OLFML2B: variants seen among roughly 807,000 people sequenced by gnomAD.
OLFML2B encodes the protein olfactomedin-like protein 2B.
In OLFML2B, 57 loss-of-function variants were observed where a neutral mutation model predicts 74.9. The ratio of observed to expected loss-of-function variants is 0.76; its 90% CI spans 0.61 to 0.95. The LOEUF (loss-of-function observed/expected upper bound fraction) is 0.95. Ranked by LOEUF, OLFML2B falls within the 40% of genes least tolerant of loss-of-function variation. The pLI, the probability that OLFML2B is intolerant of heterozygous loss-of-function variation, is 0.00. For missense variants in OLFML2B, 986 were observed against 970.6 expected (o/e 1.02, Z -0.21); for synonymous variants, 388 against 405.8 (o/e 0.96, Z 0.53).
rs569188475 is a variant in OLFML2B at position 161,999,132 on chromosome 1, G to T, written c.950-783C>A. On this transcript the variant is annotated intron_variant, in intron 5 of 7. Coordinates refer to ENST00000294794, the MANE Select transcript of OLFML2B (RefSeq NM_015441.3). ...TTCAGTTTTTATTCTGAAAGAAATG[G>T]GGGAGGCTGCAGGATTTTGAGCAGA... Among the ~76,000 whole-genome samples the T allele has an allele frequency of 5.3e-4, 80 of 152,316 alleles. No homozygotes were observed. In the South Asian group the frequency reaches 0.015, roughly 29 times the overall value.
rs56843776 is a variant in OLFML2B, at chr1:162,010,380, G to A, written c.547-3907C>T. The stretch of plus-strand genomic sequence containing the variant: ...GAACAGGTGTCCACTGCTAACTTCA[G>A]CCAGATGCACACACACCAGAGGGAA... On this transcript the variant is annotated intron_variant, in intron 3 of 7. Coordinates refer to ENST00000294794, the MANE Select transcript of OLFML2B (RefSeq NM_015441.3). 2.5e-3 allele frequency among the ~76,000 whole-genome samples: 378 copies of A among 152,324 alleles called. 15 individuals carry two copies. In the East Asian group the frequency reaches 0.068, roughly 27 times the overall value.
At position 162,005,226 on chromosome 1, in the gene OLFML2B, C is replaced by T. The variant is rs189921842; in HGVS notation, c.723+1071G>A. Among the ~76,000 whole-genome samples the T allele has an allele frequency of 3.9e-5, 6 of 152,318 alleles. No homozygotes were observed. In the East Asian group the frequency reaches 9.6e-4, roughly 24 times the overall value. On this transcript the variant is annotated intron_variant, in intron 4 of 7. Coordinates refer to ENST00000294794, the MANE Select transcript of OLFML2B (RefSeq NM_015441.3). ...TAATTGGAGCCAAAAGAAACAGGCA[C>T]CAAATGGGGAGGCATTTTTAAGCAA...
chr1:161,997,346 TGGGTG>T (rs922738998), intron 6 of OLFML2B, among the ~76,000 whole-genome samples: 1 of 152,184 alleles, frequency 6.6e-6, no homozygotes, highest in African/African-American at 2.4e-5. Context: ...ATGCTCTCCA[TGGGTG>T]GGGCTCATGA....
At chr1:162,009,465 G>A (rs374888282) in intron 3 of OLFML2B, among the ~76,000 whole-genome samples, 4 of 152,166 alleles carry the variant, frequency 2.6e-5, no homozygotes, top group African/African-American at 4.8e-5. Flanking sequence ...CCCCAACCCC[G>A]GTCTTAGGGT....
At chr1:162,002,628 C>G (rs1005340419) in intron 4 of OLFML2B, among the ~76,000 whole-genome samples, 5 of 152,328 alleles carry the variant, frequency 3.3e-5, no homozygotes, top group African/African-American at 1.2e-4. Flanking sequence ...TTTCTCATGA[C>G]AAGAGAGTTC....
In OLFML2B at chr1:162,023,329, C is replaced by G; in HGVS notation, c.102G>C (p.Ala34=). ...CGTCCTCCGCAGGCGCCACTGTCTG[C>G]GCATCTGGGGGCTCGCTTGTCCCTG... ...VLTGTSEPPD[A]QTVAPAEDET... The change falls in exon 1 of 8, where the codon GCG becomes GCC. Residue 34 remains alanine (A), a synonymous_variant. Coordinates refer to ENST00000294794, the MANE Select transcript of OLFML2B (RefSeq NM_015441.3). 1.2e-6 allele frequency: 2 copies of G among 1,607,056 alleles called. No individual in the cohort carries two copies. Among genetic ancestry groups the G allele is most frequent in the Non-Finnish European group, 1.7e-6 (2 of 1,175,588 alleles).
chr1:162,022,249 T>C (rs1399431446), intron 1 of OLFML2B, among the ~76,000 whole-genome samples: 7 of 123,682 alleles, frequency 5.7e-5, no homozygotes, highest in African/African-American at 1.9e-4. Context: ...CTCTTCTTTT[T>C]TTTTTTTTTT....
chr1:162,021,244 T>C (rs1690696449), intron 1 of OLFML2B, among the ~76,000 whole-genome samples: 1 of 152,252 alleles, frequency 6.6e-6, no homozygotes, highest in Non-Finnish European at 1.5e-5. Context: ...TAAGAGTTCA[T>C]GCTTCTGAAC....
intron 4 of OLFML2B, among the ~76,000 whole-genome samples, chr1:162,004,647 C>T (rs559021365): frequency 3.1e-4 from 47 of 152,244 alleles, no homozygotes; most frequent in Non-Finnish European, 5.6e-4. Context: ...GATGAACTGC[C>T]CTACCCAAGA....
rs1051730861 is a variant in OLFML2B, at chr1:162,000,097, G to C, written c.949+16C>G. ...CCTACCCTGCCTCTGGGGCGGCCCT[G>C]TTGACCCCAACTCACGCTGCTCTTC... On this transcript the variant is annotated intron_variant, in intron 5 of 7. Coordinates refer to ENST00000294794, the MANE Select transcript of OLFML2B (RefSeq NM_015441.3). 8.3e-6 allele frequency: 13 copies of C among 1,570,332 alleles called. No homozygotes were observed. Among genetic ancestry groups the C allele is most frequent in the Non-Finnish European group, 1.1e-5 (13 of 1,153,078 alleles).
In OLFML2B at chr1:161,983,501, A is replaced by G. The variant is rs974191675; in HGVS notation, c.*174T>C. On this transcript the variant is annotated 3_prime_UTR_variant, in exon 8 of 8. Coordinates refer to ENST00000294794, the MANE Select transcript of OLFML2B (RefSeq NM_015441.3). ...GACCAGCACATACACGTATGGATTG[A>G]TCTACAATCCATATAAAAAAATAGA... The G allele has an allele frequency of 4.6e-6, 3 of 656,762 alleles. No homozygotes were observed. The highest frequency in any genetic ancestry group is 2.8e-5 in the East Asian group (1 of 35,148). The allele number at this position is 656,762 out of a possible 1,614,324, so 40.7% of individuals were successfully genotyped here. A position where few individuals can be genotyped will look rare whatever the true frequency, so the allele number is the denominator to read the frequency against.
At chr1:162,006,236 A>T in intron 4 of OLFML2B, 61 bp downstream of exon 4, 3 of 1,456,600 alleles carry the variant, frequency 2.1e-6, no homozygotes, top group Non-Finnish European at 2.8e-6. Flanking sequence ...TGCAGAGGAG[A>T]GATGCTGATA....
chr1:162,004,452 G>A (rs1190651445), intron 4 of OLFML2B, among the ~76,000 whole-genome samples: 2 of 152,152 alleles, frequency 1.3e-5, no homozygotes, highest in Non-Finnish European at 2.9e-5. Context: ...GAAAATTATT[G>A]GCCTTTCTTA....
intron 3 of OLFML2B, among the ~76,000 whole-genome samples, chr1:162,017,144 G>T (rs554947684): frequency 4.6e-5 from 7 of 152,130 alleles, no homozygotes; most frequent in Admixed American, 1.3e-4. Context: ...AAAATGGAAA[G>T]ACATTGGTTA....
chr1:161,999,193 G>A (rs1219456063), intron 5 of OLFML2B, among the ~76,000 whole-genome samples: 1 of 152,164 alleles, frequency 6.6e-6, no homozygotes, highest in Non-Finnish European at 1.5e-5. Flanking sequence ...TCTTAGAGAG[G>A]ACACAAAGAG....
intron 6 of OLFML2B, among the ~76,000 whole-genome samples, chr1:161,995,212 G>A (rs549087212): frequency 6.2e-5 from 9 of 144,192 alleles, no homozygotes; most frequent in Admixed American, 5.7e-4. Flanking sequence ...GCTAGACAAT[G>A]CCTAGACAGC....
intron 3 of OLFML2B, among the ~76,000 whole-genome samples, chr1:162,007,186 G>C (rs1690258978): frequency 6.6e-6 from 1 of 152,202 alleles, no homozygotes; most frequent in Admixed American, 6.5e-5. Context: ...GAGTGTCTAA[G>C]TGTAGTGCTA....
chr1:162,006,578 T>C (rs368898038), intron 3 of OLFML2B, 105 bp from the exon 4 acceptor site: 141 of 880,222 alleles, frequency 1.6e-4, no homozygotes, highest in South Asian at 3.1e-4. Flanking sequence ...ACAGACAGGC[T>C]GAGAAATCAT....
At chr1:162,014,436 G>A (rs1690476051) in intron 3 of OLFML2B, among the ~76,000 whole-genome samples, 1 of 152,086 alleles carries the variant, frequency 6.6e-6, no homozygotes, top group Non-Finnish European at 1.5e-5. Context: ...CCATAAATGT[G>A]TGCTTGCTTA....
Sources: gnomAD v4.1 joint callset for allele counts (sites outside exome capture counted in the v4.1 genomes callset) on GRCh38, gnomAD v4.1.1 for gene constraint, MANE v1.5 for transcripts, NCBI Gene and HGNC (gene_info 2026-07-23, HGNC 2026-07-21) for gene names.